Variants in XXYLT1 observed in about 807,000 individuals in gnomAD.
The protein encoded by XXYLT1 is UDP-xylose:alpha-xyloside alpha-1,3-xylosyltransferase.
Under a neutral mutation model 28.9 loss-of-function variants are expected in XXYLT1, and 20 were observed. That is an observed-to-expected ratio of 0.69 (90% CI 0.49 to 1.00). The LOEUF (loss-of-function observed/expected upper bound fraction) is 1.00. Ranked by LOEUF, XXYLT1 falls within the 50% of genes least tolerant of loss-of-function variation. XXYLT1 has a pLI of 0.00. For synonymous variants in XXYLT1, 257 were observed against 253.8 expected (o/e 1.01, Z -0.12); for missense variants, 542 against 560.1 (o/e 0.97, Z 0.33).
chr3:195,192,381 C>T (rs1577129347), intron 2 of XXYLT1, among the ~76,000 whole-genome samples: 3 of 150,774 alleles, frequency 2.0e-5, no homozygotes, highest in East Asian at 1.9e-4. Flanking sequence ...ACCAAGATCA[C>T]GCCACTGCAC....
At position 195,076,965 on chromosome 3, in the gene XXYLT1, A is replaced by C. The variant is rs1235816010; in HGVS notation, c.786-6854T>G. On this transcript the variant is annotated intron_variant, in intron 3 of 3. Transcript: ENST00000310380. This position sits in a 1 kb window ranked among gnomAD's most constrained non-coding sequence, Gnocchi z 5.3. ...AAGTGCTGGGGGCTAGGATTTCTGC[A>C]GAGGAATTCTGAGGGACACACTTCA... Among the ~76,000 whole-genome samples the C allele has an allele frequency of 6.6e-6, 1 of 152,214 alleles. No homozygotes were observed. Among genetic ancestry groups the C allele is most frequent in the Admixed American group, 6.5e-5 (1 of 15,286 alleles).
At position 195,069,841 on chromosome 3, in the gene XXYLT1, C is replaced by T. The variant is rs377128054; in HGVS notation, c.1056G>A (p.Trp352Ter). ...TCCACCAGGTGCACAGCTGCCGGTT[C>T]CAGGTACAGTCCAGCACATGGAAGA... ...PKLFHVLDCTWNRQLCTWWRD... is the reference protein window; with the variant it reads ...PKLFHVLDCT The change falls in exon 4 of 4, where the codon TGG (tryptophan) becomes TGA (stop). Residue 352 changes from tryptophan (W) to a stop codon, truncating the protein, a stop_gained. Coordinates refer to ENST00000310380, the MANE Select transcript of XXYLT1 (RefSeq NM_152531.5). LOFTEE classifies it high-confidence loss of function. 7 of 1,614,088 alleles carry T rather than the reference C, an allele frequency of 4.3e-6. No individual in the cohort carries two copies. The highest frequency in any genetic ancestry group is 1.7e-5 in the Admixed American group (1 of 60,008).
intron 2 of XXYLT1, among the ~76,000 whole-genome samples, chr3:195,213,729 A>G (rs374043816): frequency 3.3e-5 from 5 of 152,220 alleles, no homozygotes; most frequent in Admixed American, 6.5e-5. Flanking sequence ...GTTTGCTCCA[A>G]AGGGAAAAGT....
At chr3:195,199,858 T>C (rs773381213) in intron 2 of XXYLT1, among the ~76,000 whole-genome samples, 3 of 152,192 alleles carry the variant, frequency 2.0e-5, no homozygotes, top group African/African-American at 4.8e-5. Flanking sequence ...TTATGAGCCA[T>C]GATGGCGTTT....
intron 2 of XXYLT1, among the ~76,000 whole-genome samples, chr3:195,216,682 T>C (rs1274072331): frequency 2.7e-5 from 4 of 147,416 alleles, no homozygotes; most frequent in African/African-American, 7.6e-5. Context: ...AGCTTACCAA[T>C]CAAAAAGAGT....
At chr3:195,088,363 G>C (rs1230520672) in intron 3 of XXYLT1, among the ~76,000 whole-genome samples, 1 of 147,918 alleles carries the variant, frequency 6.8e-6, no homozygotes, top group African/African-American at 2.4e-5. Context: ...GCCTCCTCAA[G>C]TGGGTCCCTG....
At chr3:195,088,332 A>T (rs1234238615) in intron 3 of XXYLT1, among the ~76,000 whole-genome samples, 1 of 149,210 alleles carries the variant, frequency 6.7e-6, no homozygotes, top group Non-Finnish European at 1.5e-5. Flanking sequence ...ACGCAGCTGG[A>T]GATCTGAGAA....
chr3:195,079,005 G>A (rs1424912866), intron 3 of XXYLT1, among the ~76,000 whole-genome samples: 2 of 152,142 alleles, frequency 1.3e-5, no homozygotes, highest in African/African-American at 4.8e-5. Flanking sequence ...TGGCGGCAAC[G>A]TCCTGACCCA....
rs1725999304 is a variant in XXYLT1, at chr3:195,270,791, C to T, written c.268G>A (p.Glu90Lys). 6.4e-7 allele frequency: 1 copy of T among 1,562,052 alleles called. No homozygotes were observed. The highest frequency in any genetic ancestry group is 8.6e-7 in the Non-Finnish European group (1 of 1,159,730). ...PAPGAKAKSL[E>K]GGGAGPVDYH... is the part of the protein sequence containing the mutation. ...TCCACCGGCCCGGCACCGCCGCCCT[C>T]CAAGCTCTTGGCCTTCGCGCCGGGG... is the stretch of plus-strand genomic sequence containing the variant. Residue 90 changes from glutamate to lysine, a missense_variant, in exon 1 of 4, where the codon GAG (glutamate) becomes AAG (lysine). By Grantham distance (56) the Glu-to-Lys change is moderately conservative. Transcript: ENST00000310380.
intron 1 of XXYLT1, chr3:195,259,563 C>A (rs1247671564): frequency 1.5e-5 from 15 of 985,354 alleles, no homozygotes; most frequent in Non-Finnish European, 1.8e-5. Context: ...CAGGGAGAGG[C>A]CTCCCGCCCC....
At position 195,176,179 on chromosome 3, in the gene XXYLT1, C is replaced by T. The variant is rs555421995; in HGVS notation, c.653-19598G>A. On this transcript the variant is annotated intron_variant, in intron 2 of 3. Transcript: ENST00000310380. This position sits in a 1 kb window ranked among gnomAD's most constrained non-coding sequence, Gnocchi z 4.9. ...TCAGATGATCCTCCCACCTCAGCCT[C>T]CCAAGTGGCTGGGACTACAGGTGTG... 3.3e-5 allele frequency among the ~76,000 whole-genome samples: 5 copies of T among 152,330 alleles called. No individual in the cohort carries two copies. In the East Asian group the frequency reaches 5.8e-4, roughly 18 times the overall value.
intron 1 of XXYLT1, 196 bp downstream of exon 1, chr3:195,270,354 TCAGCA>T (rs1725978528): frequency 1.6e-6 from 2 of 1,251,104 alleles, no homozygotes; most frequent in Non-Finnish European, 2.1e-6. Context: ...GCTCCACTCC[TCAGCA>T]CCAGCTGAGG....
intron 3 of XXYLT1, among the ~76,000 whole-genome samples, chr3:195,070,345 A>C (rs1294189932): frequency 1.3e-5 from 2 of 151,890 alleles, no homozygotes; most frequent in Admixed American, 1.3e-4. Flanking sequence ...GCCAACATTG[A>C]TATTATTGAC....
At chr3:195,087,836 G>C (rs930573517) in intron 3 of XXYLT1, among the ~76,000 whole-genome samples, 1 of 152,044 alleles carries the variant, frequency 6.6e-6, no homozygotes, top group Non-Finnish European at 1.5e-5. Context: ...CACCGTGCGC[G>C]AGCCGAAGCA....
chr3:195,252,727 CAGAGAG>C (rs10649695), intron 1 of XXYLT1, among the ~76,000 whole-genome samples: 7 of 119,004 alleles, frequency 5.9e-5, no homozygotes, highest in Admixed American at 2.4e-4. Flanking sequence ...CACACACACA[CAGAGAG>C]AGAGAGAGAG....
chr3:195,089,194 C>T (rs1338751691), intron 3 of XXYLT1, among the ~76,000 whole-genome samples: 4 of 151,344 alleles, frequency 2.6e-5, no homozygotes, highest in Non-Finnish European at 5.9e-5. Flanking sequence ...AGATACTCCT[C>T]GAGAAGAGCA....
chr3:195,267,637 T>C (rs1425429500), intron 1 of XXYLT1, among the ~76,000 whole-genome samples: 1 of 152,168 alleles, frequency 6.6e-6, no homozygotes, highest in African/African-American at 2.4e-5. Context: ...TTAAGGAGTT[T>C]AGAGTCTAGC....
Position 195,156,432 on chromosome 3 carries a change from C to T in XXYLT1, c.785+17G>A. 1 of 1,612,164 alleles carries T rather than the reference C, an allele frequency of 6.2e-7. No individual in the cohort carries two copies. The highest frequency in any genetic ancestry group is 8.5e-7 in the Non-Finnish European group (1 of 1,179,298). On this transcript the variant is annotated intron_variant, in intron 3 of 3. Transcript: ENST00000310380. ...GGGAGGGGTCGTGGAGGCGGCCCCC[C>T]TGCAGTCATGACGCACCTGTAAACT...
rs543572054 is a variant in XXYLT1, at chr3:195,256,380, T to C, written c.504+14175A>G. 66 of 611,580 alleles carry C rather than the reference T, an allele frequency of 1.1e-4. 1 individual carries two copies. In the South Asian group the frequency reaches 4.3e-3, roughly 40 times the overall value. 37.9% of individuals were successfully genotyped at this position (611,580 alleles called of 1,614,324 possible). A position where few individuals can be genotyped will look rare whatever the true frequency, so the allele number is the denominator to read the frequency against. The stretch of plus-strand genomic sequence containing the variant: ...GACGATAAACCTGAGACAGCTCTGG[T>C]CATTCCAAGTCCCTCGCCCTCATGC... On this transcript the variant is annotated intron_variant, in intron 1 of 3. Coordinates refer to ENST00000310380, the MANE Select transcript of XXYLT1 (RefSeq NM_152531.5). This position sits in a 1 kb window ranked among gnomAD's most constrained non-coding sequence, Gnocchi z 4.2.
Sources: allele counts gnomAD v4.1 joint callset (sites outside exome capture counted in the v4.1 genomes callset), GRCh38; gene constraint gnomAD v4.1.1; non-coding constraint Gnocchi (gnomAD v3.1); transcripts MANE v1.5; gene names NCBI Gene and HGNC (gene_info 2026-07-23, HGNC 2026-07-21).